ATP2A3: variants seen among roughly 807,000 people sequenced by gnomAD.
The protein encoded by ATP2A3 is sarcoplasmic/endoplasmic reticulum calcium ATPase 3.
Under a neutral mutation model 106.8 loss-of-function variants are expected in ATP2A3, and 61 were observed. The ratio of observed to expected loss-of-function variants is 0.57; its 90% CI spans 0.46 to 0.71. The LOEUF (loss-of-function observed/expected upper bound fraction) is 0.71. Among genes scored for constraint, ATP2A3 ranks in the 30% least tolerant of loss-of-function variants. The pLI is 0.00. For missense variants in ATP2A3, 1,201 were observed against 1,423.5 expected, an observed-to-expected ratio of 0.84 and a Z score of 2.52; for synonymous variants, 611 against 609.3, an observed-to-expected ratio of 1.00 and a Z score of -0.04.
chr17:3,949,251 C>T (rs2054285557), intron 7 of ATP2A3, among the ~76,000 whole-genome samples: 1 of 152,130 alleles, frequency 6.6e-6, no homozygotes, highest in Admixed American at 6.5e-5. Flanking sequence ...GTCTGACTGG[C>T]CTGACCCTTC....
chr17:3,961,081 C>T (rs891856384), intron 1 of ATP2A3, among the ~76,000 whole-genome samples: 1 of 152,198 alleles, frequency 6.6e-6, no homozygotes, highest in Admixed American at 6.5e-5. Flanking sequence ...ACAAAGAGCA[C>T]TTATCCTCCT....
intron 17 of ATP2A3, among the ~76,000 whole-genome samples, chr17:3,933,808 A>AG (rs1430826653): frequency 6.6e-6 from 1 of 151,620 alleles, no homozygotes; most frequent in African/African-American, 2.4e-5. Context: ...GAAGCCCTGG[A>AG]GGAGCCCATT....
chr17:3,929,343 G>C lies in ATP2A3; in HGVS notation c.2847C>G (p.Leu949=), dbSNP rs753981500. The C allele has an allele frequency of 1.5e-5, 24 of 1,552,632 alleles. No homozygotes were observed. The highest frequency in any genetic ancestry group is 2.0e-5 in the Non-Finnish European group (23 of 1,148,546). Residue 949 remains leucine, a synonymous_variant, in exon 19 of 21, where the codon CTC becomes CTG. Coordinates refer to ENST00000397041, the MANE Select transcript of ATP2A3 (RefSeq NM_005173.4). This position sits in a 1 kb window ranked among gnomAD's most constrained non-coding sequence, Gnocchi z 4.3. ...MSMALHFLIL[L]VPPLPLIFQV... ...GGTGACTCACAGGCAGGGGCGGCAC[G>C]AGCAGGATGAGGAAGTGCAGGGCCA... is the stretch of plus-strand genomic sequence containing the variant.
intron 14 of ATP2A3, among the ~76,000 whole-genome samples, chr17:3,938,378 G>A (rs1366938673): frequency 6.6e-6 from 1 of 151,846 alleles, no homozygotes; most frequent in Non-Finnish European, 1.5e-5. Flanking sequence ...AGGTTGCAGT[G>A]AGCCGAGACT....
At chr17:3,960,956 G>A (rs564087997) in intron 1 of ATP2A3, among the ~76,000 whole-genome samples, 3 of 152,314 alleles carry the variant, frequency 2.0e-5, no homozygotes, top group Non-Finnish European at 2.9e-5. Flanking sequence ...CAACACAAGC[G>A]TCCACCAGAA....
intron 17 of ATP2A3, among the ~76,000 whole-genome samples, chr17:3,934,645 T>C (rs2053320775): frequency 6.6e-6 from 1 of 151,308 alleles, no homozygotes. Context: ...TGCCTCAGCC[T>C]CCTGAGTAGC....
chr17:3,942,685 C>T lies in ATP2A3; in HGVS notation c.1466G>A (p.Arg489Gln). ...MRKEFTLEFS[R>Q]DRKSMSVYCT... ...GTACACGGACATGGATTTCCGGTCT[C>T]GGGAGAACTCCAGGGTGAACTCCTT... The change falls in exon 12 of 21, where the codon CGA becomes CAA. Residue 489 changes from arginine to glutamine, a missense_variant. By Grantham distance (43) the Arg-to-Gln change is conservative. This residue lies in a region of ATP2A3 where 935 missense variants were observed against 1,176.7 expected (regional missense o/e 0.79). Transcript: ENST00000397041. 1.2e-6 allele frequency: 2 copies of T among 1,613,638 alleles called. No individual in the cohort carries two copies. The highest frequency in any genetic ancestry group is 1.3e-5 in the African/African-American group (1 of 75,000).
In ATP2A3 at chr17:3,958,777, C is replaced by CACACATATATAT. The variant is rs1440690968; in HGVS notation, c.119-5079_119-5068dup. On this transcript the variant is annotated intron_variant, in intron 1 of 20. Coordinates refer to ENST00000397041, the MANE Select transcript of ATP2A3 (RefSeq NM_005173.4). ...ATATATACACACACATATATATACA[C>CACACATATATAT]ACACATATATATACACATATATATA... Among the ~76,000 whole-genome samples the CACACATATATAT allele has an allele frequency of 4.1e-3, 586 of 141,374 alleles. 22 individuals are homozygous for CACACATATATAT. The highest frequency in any genetic ancestry group is 7.5e-3 in the Non-Finnish European group (496 of 66,386). The allele number at this position is 141,374 out of a possible 152,430, so 92.7% of individuals were successfully genotyped here.
chr17:3,935,081 G>T, intron 17 of ATP2A3, 111 bp downstream of exon 17: 1 of 1,112,478 alleles, frequency 9.0e-7, no homozygotes, highest in Non-Finnish European at 1.4e-6. Flanking sequence ...CGTGTATAGC[G>T]AGTGGGGAAG....
intron 8 of ATP2A3, chr17:3,945,443 GC>G: frequency 3.1e-6 from 1 of 320,482 alleles, no homozygotes; most frequent in Non-Finnish European, 5.8e-6. Context: ...GGAGCCCTGA[GC>G]TAGGCAGAAA....
intron 1 of ATP2A3, among the ~76,000 whole-genome samples, chr17:3,961,689 C>A (rs1390941266): frequency 6.6e-6 from 1 of 152,184 alleles, no homozygotes; most frequent in Admixed American, 6.5e-5. Context: ...CCCTTCTGCC[C>A]TCAGGCCTGA....
Sources: gnomAD v4.1 joint callset for allele counts (sites outside exome capture counted in the v4.1 genomes callset) on GRCh38, gnomAD v4.1.1 for gene constraint, gnomAD v4.1.1 regional missense constraint, Gnocchi (gnomAD v3.1) non-coding constraint, MANE v1.5 for transcripts, NCBI Gene and HGNC (gene_info 2026-07-23, HGNC 2026-07-21) for gene names.